The following ADAMTSL1 variants were observed in gnomAD, a reference collection of about 807,000 sequenced individuals.
ADAMTSL1 encodes the protein ADAMTS like 1.
Under a neutral mutation model 201.8 loss-of-function variants are expected in ADAMTSL1, and 126 were observed. That is an observed-to-expected ratio of 0.62 (90% confidence interval 0.54 to 0.72). The LOEUF (loss-of-function observed/expected upper bound fraction) is 0.72. ADAMTSL1 is among the 30% of genes least tolerant of loss of function. ADAMTSL1 has a pLI of 0.00. For missense variants in ADAMTSL1, 2,679 were observed against 2,277.8 expected, an observed-to-expected ratio of 1.18 and a Z score of -3.59; for synonymous variants, 1,121 against 903.4, an observed-to-expected ratio of 1.24 and a Z score of -4.32.
At chr9:18,363,410 G>T (rs938452865) in intron 2 of ADAMTSL1, among the ~76,000 whole-genome samples, 3 of 152,172 alleles carry the variant, frequency 2.0e-5, no homozygotes, top group Admixed American at 2.0e-4. Context: ...AATTCTTTGG[G>T]AGACAGCATG....
chr9:18,638,084 C>T lies in ADAMTSL1; in HGVS notation c.677-1170C>T, dbSNP rs1827208313. Among the ~76,000 whole-genome samples, 5 of 152,036 alleles carry T rather than the reference C, an allele frequency of 3.3e-5. 1 individual carries two copies. The South Asian group carries it at 1.0e-3, about 32-fold the overall frequency. ...TCCCTGCAATATTCCTTTAATGTGCCCTGTATTTTTCGGTGGGATCCCCTC... is the reference window on the plus strand; with the variant it reads ...TCCCTGCAATATTCCTTTAATGTGCTCTGTATTTTTCGGTGGGATCCCCTC... On this transcript the variant is annotated intron_variant, in intron 6 of 28. Transcript: ENST00000380548.
chr9:18,777,876 G>C lies in ADAMTSL1; in HGVS notation c.3647G>C (p.Arg1216Thr), dbSNP rs1821157898. ...CCAAGGCCTACCATCAGCTGGGCCAGGAATGGAGAAGAAGTTCAGTTCAGT... is the reference window on the plus strand; with the variant it reads ...CCAAGGCCTACCATCAGCTGGGCCACGAATGGAGAAGAAGTTCAGTTCAGT... ...GHPRPTISWA[R>T]NGEEVQFSDR... The change falls in exon 19 of 29, where the codon AGG (arginine) becomes ACG (threonine). Residue 1216 changes from arginine to threonine, a missense_variant. Transcript: ENST00000380548. 1 of 1,559,918 alleles carries C rather than the reference G, an allele frequency of 6.4e-7. No individual in the cohort carries two copies. The highest frequency in any genetic ancestry group is 1.4e-5 in the African/African-American group (1 of 73,702).
intron 1 of ADAMTSL1, among the ~76,000 whole-genome samples, chr9:18,079,135 A>T (rs920654929): frequency 3.9e-5 from 6 of 152,144 alleles, no homozygotes; most frequent in South Asian, 2.1e-4. Context: ...CTTTCCTTTG[A>T]TGGTGGGTAC....
At chr9:18,560,261 G>C (rs1278756641) in intron 3 of ADAMTSL1, among the ~76,000 whole-genome samples, 1 of 152,160 alleles carries the variant, frequency 6.6e-6, no homozygotes, top group Non-Finnish European at 1.5e-5. Context: ...CATCTATTGA[G>C]ACAATAATGT....
chr9:18,394,099 T>C (rs1355120621), intron 2 of ADAMTSL1, among the ~76,000 whole-genome samples: 1 of 152,180 alleles, frequency 6.6e-6, no homozygotes, highest in Non-Finnish European at 1.5e-5. Context: ...AAGATGATGG[T>C]TACGCAGCGA....
chr9:18,290,481 C>G (rs1587481330), intron 2 of ADAMTSL1, among the ~76,000 whole-genome samples: 2 of 152,118 alleles, frequency 1.3e-5, no homozygotes, highest in African/African-American at 4.8e-5. Flanking sequence ...TCCTTCCTGG[C>G]CCCACAAAGC....
At chr9:18,156,857 A>T (rs1317786563) in intron 1 of ADAMTSL1, among the ~76,000 whole-genome samples, 1 of 152,084 alleles carries the variant, frequency 6.6e-6, no homozygotes, top group African/African-American at 2.4e-5. Context: ...ACTCTTTGGA[A>T]ACAGAATCCT....
intron 1 of ADAMTSL1, among the ~76,000 whole-genome samples, chr9:17,998,212 C>T (rs60097187): frequency 0.072 from 10,880 of 152,012 alleles, 564 homozygotes; most frequent in African/African-American, 0.14. Flanking sequence ...CACATACCTA[C>T]GCATGTGGAA....
intron 2 of ADAMTSL1, among the ~76,000 whole-genome samples, chr9:18,402,185 G>A (rs1286088477): frequency 3.3e-5 from 5 of 152,208 alleles, no homozygotes; most frequent in South Asian, 2.1e-4. Flanking sequence ...TGCTTTGCTC[G>A]ATTATTTATT....
chr9:18,867,016 C>T (rs1325820665), intron 23 of ADAMTSL1, among the ~76,000 whole-genome samples: 1 of 152,194 alleles, frequency 6.6e-6, no homozygotes, highest in Non-Finnish European at 1.5e-5. Context: ...ACAGCCCTCT[C>T]CCTCTCTACT....
At chr9:18,254,138 C>G (rs570792832) in intron 2 of ADAMTSL1, among the ~76,000 whole-genome samples, 1 of 152,180 alleles carries the variant, frequency 6.6e-6, no homozygotes, top group African/African-American at 2.4e-5. Flanking sequence ...TGGTCTTAGA[C>G]TCAATTTCCT....
intron 2 of ADAMTSL1, among the ~76,000 whole-genome samples, chr9:18,228,884 T>G (rs904954950): frequency 2.6e-5 from 4 of 151,312 alleles, no homozygotes; most frequent in African/African-American, 9.7e-5. Context: ...ACACAGCTCA[T>G]GCTCTGTAGT....
intron 2 of ADAMTSL1, among the ~76,000 whole-genome samples, chr9:18,233,002 G>T (rs1338542053): frequency 6.6e-6 from 1 of 152,166 alleles, no homozygotes. Context: ...TAAAGTCAAA[G>T]GTGGAAGACA....
chr9:17,947,061 A>G (rs1402530685), intron 1 of ADAMTSL1, among the ~76,000 whole-genome samples: 1 of 152,060 alleles, frequency 6.6e-6, no homozygotes, highest in Non-Finnish European at 1.5e-5. Context: ...AGAGGCATGT[A>G]AAAGCATATC....
At chr9:18,647,773 C>T (rs1260511516) in intron 7 of ADAMTSL1, among the ~76,000 whole-genome samples, 1 of 151,686 alleles carries the variant, frequency 6.6e-6, no homozygotes, top group Non-Finnish European at 1.5e-5. Flanking sequence ...AATTTCTGTT[C>T]TTTTACATTT....
chr9:18,607,034 C>A (rs528460531), intron 4 of ADAMTSL1, among the ~76,000 whole-genome samples: 2 of 152,176 alleles, frequency 1.3e-5, no homozygotes, highest in South Asian at 4.2e-4. Flanking sequence ...GACAAACCAG[C>A]CAACAATGAG....
chr9:18,256,393 C>T (rs1831687518), intron 2 of ADAMTSL1, among the ~76,000 whole-genome samples: 1 of 152,030 alleles, frequency 6.6e-6, no homozygotes, highest in South Asian at 2.1e-4. Context: ...AGGAGTTCCT[C>T]AAAGGTAGGG....
At position 18,776,942 on chromosome 9, in the gene ADAMTSL1, C is replaced by A. The variant is rs769760271; in HGVS notation, c.2713C>A (p.Arg905Ser). ...GCTGCGCTGCCCGGCGCGCAGGGTC[C>A]GCAAGCCCCTCATCACCTGGGAGAA... Reference protein sequence around the residue: ...VVLRCPARRVRKPLITWEKDG... With the variant: ...VVLRCPARRVSKPLITWEKDG... Residue 905 changes from arginine to serine, a missense_variant, in exon 19 of 29, where the codon CGC becomes AGC. Coordinates refer to ENST00000380548, the MANE Select transcript of ADAMTSL1 (RefSeq NM_001040272.6). 1 of 1,600,142 alleles carries A rather than the reference C, an allele frequency of 6.2e-7. No individual in the cohort carries two copies. The highest frequency in any genetic ancestry group is 1.1e-5 in the South Asian group (1 of 89,022).
intron 2 of ADAMTSL1, among the ~76,000 whole-genome samples, chr9:18,165,555 A>G (rs1827593708): frequency 1.3e-5 from 2 of 151,846 alleles, no homozygotes; most frequent in Admixed American, 1.3e-4. Context: ...TTTAATAGTT[A>G]TAATTAGCTT....
Sources: gnomAD v4.1 joint callset for allele counts (sites outside exome capture counted in the v4.1 genomes callset) on GRCh38, gnomAD v4.1.1 for gene constraint, MANE v1.5 for transcripts, NCBI Gene and HGNC (gene_info 2026-07-23, HGNC 2026-07-21) for gene names.